MYO5B: variants seen among roughly 807,000 people sequenced by gnomAD.
MYO5B encodes the protein myosin VB.
A neutral mutation model predicts 229.3 loss-of-function variants in MYO5B; 143 were observed. That is an observed-to-expected ratio of 0.62 (90% confidence interval 0.54 to 0.72). The LOEUF is 0.72. Ranked by LOEUF, MYO5B falls within the 30% of genes least tolerant of loss-of-function variation. The pLI, the probability that MYO5B is intolerant of heterozygous loss-of-function variation, is 0.00. For synonymous variants in MYO5B, 918 were observed against 885.2 expected, an observed-to-expected ratio of 1.04 and a Z score of -0.66; for missense variants, 2,321 against 2,331.0, an observed-to-expected ratio of 1.00 and a Z score of 0.09.
intron 1 of MYO5B, among the ~76,000 whole-genome samples, chr18:50,079,065 G>T (rs2031153809): frequency 6.6e-6 from 1 of 152,214 alleles, no homozygotes; most frequent in Non-Finnish European, 1.5e-5. Context: ...AGTGACTCTG[G>T]GGAAGGGCAT....
At chr18:49,852,851 G>A (rs2024217793) in intron 31 of MYO5B, among the ~76,000 whole-genome samples, 1 of 152,170 alleles carries the variant, frequency 6.6e-6, no homozygotes, top group South Asian at 2.1e-4. Context: ...TTAACTCAAT[G>A]CAGAATCATG....
At chr18:50,149,257 G>A (rs1192991938) in intron 1 of MYO5B, among the ~76,000 whole-genome samples, 6 of 151,708 alleles carry the variant, frequency 4.0e-5, no homozygotes. Flanking sequence ...TGGCCATACT[G>A]CCCAAGGTAA....
intron 1 of MYO5B, among the ~76,000 whole-genome samples, chr18:50,145,551 G>C (rs2032488881): frequency 7.4e-6 from 1 of 134,400 alleles, no homozygotes; most frequent in Admixed American, 7.4e-5. Context: ...TCTCTCAGGA[G>C]CATCCCCAAA....
chr18:49,921,524 T>A (rs1399834497), intron 17 of MYO5B, among the ~76,000 whole-genome samples: 5 of 152,134 alleles, frequency 3.3e-5, no homozygotes, highest in African/African-American at 1.2e-4. Flanking sequence ...GCACAGCATT[T>A]CAAATTGAGT....
intron 1 of MYO5B, among the ~76,000 whole-genome samples, chr18:50,058,283 T>C (rs1249217538): frequency 2.0e-5 from 3 of 151,986 alleles, no homozygotes; most frequent in Admixed American, 6.6e-5. Flanking sequence ...CTGGGCAATA[T>C]AGCAAGACCC....
At chr18:50,137,773 C>T (rs181277162) in intron 1 of MYO5B, among the ~76,000 whole-genome samples, 3 of 152,270 alleles carry the variant, frequency 2.0e-5, no homozygotes, top group Non-Finnish European at 2.9e-5. Flanking sequence ...ATACGTGGTA[C>T]ACATACACCA....
At chr18:50,077,954 C>A (rs777370289) in intron 1 of MYO5B, among the ~76,000 whole-genome samples, 1 of 152,176 alleles carries the variant, frequency 6.6e-6, no homozygotes, top group Admixed American at 6.5e-5. Flanking sequence ...TCCTATATTG[C>A]GGAAAAGACA....
intron 14 of MYO5B, among the ~76,000 whole-genome samples, chr18:49,939,146 T>C (rs941024046): frequency 1.5e-5 from 2 of 131,768 alleles, no homozygotes; most frequent in African/African-American, 2.9e-5. Flanking sequence ...TTTCTTTTTT[T>C]TCTTTTTTTT....
At chr18:49,998,043 T>C (rs2026008902) in intron 5 of MYO5B, among the ~76,000 whole-genome samples, 1 of 151,958 alleles carries the variant, frequency 6.6e-6, no homozygotes, top group Non-Finnish European at 1.5e-5. Flanking sequence ...TAGAGTCGAC[T>C]TACGAAAAGT....
chr18:49,911,343 G>A (rs1022015572), intron 18 of MYO5B, among the ~76,000 whole-genome samples: 3 of 152,330 alleles, frequency 2.0e-5, no homozygotes, highest in East Asian at 3.9e-4. Context: ...AAAAATGTTA[G>A]AGATAGTTAT....
At chr18:49,988,545 G>C (rs926975167) in intron 7 of MYO5B, among the ~76,000 whole-genome samples, 1 of 152,178 alleles carries the variant, frequency 6.6e-6, no homozygotes, top group Non-Finnish European at 1.5e-5. Context: ...AAATTTAGGA[G>C]GATTTCTTCC....
At position 49,995,355 on chromosome 18, in the gene MYO5B, C is replaced by T. The variant is rs1033630554; in HGVS notation, c.613-2924G>A. Among the ~76,000 whole-genome samples the T allele has an allele frequency of 9.3e-5, 14 of 150,416 alleles. No individual in the cohort carries two copies. The South Asian group carries it at 1.7e-3, about 18-fold the overall frequency. ...CTGCAAGCTCTGTCTCCCAGGTTCA[C>T]GCCATTCTCCTGCCTCAGCCTCCCA... On this transcript the variant is annotated intron_variant, in intron 5 of 39. Transcript: ENST00000285039.
At chr18:49,978,694 T>C (rs1231529194) in intron 9 of MYO5B, among the ~76,000 whole-genome samples, 1 of 139,140 alleles carries the variant, frequency 7.2e-6, no homozygotes, top group Non-Finnish European at 1.5e-5. Flanking sequence ...CAGCAAGTAA[T>C]ACACACACAC....
At chr18:49,939,554 C>T (rs1489578909) in intron 14 of MYO5B, among the ~76,000 whole-genome samples, 1 of 152,158 alleles carries the variant, frequency 6.6e-6, no homozygotes, top group Non-Finnish European at 1.5e-5. Flanking sequence ...TAAAGGTCAA[C>T]TTTCACCTCC....
chr18:49,953,185 G>A (rs930669319), intron 14 of MYO5B, 75 bp downstream of exon 14: 10 of 1,357,536 alleles, frequency 7.4e-6, no homozygotes, highest in Admixed American at 1.7e-5. Flanking sequence ...ACCCCAAGGA[G>A]GTTGCATCAC....
intron 18 of MYO5B, among the ~76,000 whole-genome samples, chr18:49,907,830 G>A (rs955818676): frequency 1.3e-5 from 2 of 152,240 alleles, no homozygotes; most frequent in African/African-American, 4.8e-5. Context: ...CGTGAAGCTG[G>A]CAAGAGTGGG....
intron 39 of MYO5B, 63 bp downstream of exon 39, chr18:49,835,281 A>G: frequency 7.8e-7 from 1 of 1,289,914 alleles, no homozygotes; most frequent in Non-Finnish European, 1.1e-6. Context: ...ATTAAAGCCC[A>G]AATTTTTAAT....
chr18:50,164,375 T>C (rs1395155931), intron 1 of MYO5B, among the ~76,000 whole-genome samples: 1 of 152,210 alleles, frequency 6.6e-6, no homozygotes. Flanking sequence ...AAGCTGCTAA[T>C]CCATCTACCA....
intron 4 of MYO5B, among the ~76,000 whole-genome samples, chr18:50,035,430 C>T (rs1057435091): frequency 6.6e-6 from 1 of 151,504 alleles, no homozygotes; most frequent in Non-Finnish European, 1.5e-5. Flanking sequence ...AAGAGTGTCG[C>T]TGTTCTCACA....
Sources: gnomAD v4.1 joint callset for allele counts (sites outside exome capture counted in the v4.1 genomes callset) on GRCh38, gnomAD v4.1.1 for gene constraint, MANE v1.5 for transcripts, NCBI Gene and HGNC (gene_info 2026-07-23, HGNC 2026-07-21) for gene names.